The following CAMTA1 variants were observed in gnomAD, a reference collection of about 807,000 sequenced individuals.
CAMTA1 encodes the protein calmodulin-binding transcription activator 1.
In CAMTA1, 27 loss-of-function variants were observed where a neutral mutation model predicts 170.9. That is an observed-to-expected ratio of 0.16 (90% confidence interval 0.12 to 0.22). The LOEUF is 0.22. CAMTA1 is among the 10% of genes least tolerant of loss of function. CAMTA1 has a pLI of 1.00. For missense variants in CAMTA1, 1,619 were observed against 2,217.2 expected, an observed-to-expected ratio of 0.73 and a Z score of 5.42; for synonymous variants, 833 against 891.5, an observed-to-expected ratio of 0.93 and a Z score of 1.17.
intron 3 of CAMTA1, among the ~76,000 whole-genome samples, chr1:6,856,858 G>C (rs182700026): frequency 2.0e-4 from 31 of 152,208 alleles, no homozygotes; most frequent in Admixed American, 1.6e-3. Context: ...TGGAGGGGAG[G>C]CTTGCGGGCA....
intron 1 of CAMTA1, among the ~76,000 whole-genome samples, chr1:6,806,278 T>G (rs1644502037): frequency 6.6e-6 from 1 of 152,244 alleles, no homozygotes; most frequent in East Asian, 1.9e-4. Context: ...TAGTAAGTTT[T>G]GAAATCAGGA....
At chr1:6,914,245 C>T (rs1455554401) in intron 3 of CAMTA1, among the ~76,000 whole-genome samples, 2 of 151,966 alleles carry the variant, frequency 1.3e-5, no homozygotes, top group African/African-American at 4.8e-5. Flanking sequence ...GCTGGGATTA[C>T]AGATGCCTGA....
chr1:7,645,979 T>A (rs916775923), intron 7 of CAMTA1, among the ~76,000 whole-genome samples: 1 of 152,162 alleles, frequency 6.6e-6, no homozygotes, highest in Non-Finnish European at 1.5e-5. Flanking sequence ...ACAAAGGCCA[T>A]GTTGAAAGTG....
intron 5 of CAMTA1, among the ~76,000 whole-genome samples, chr1:7,316,614 T>C (rs902357731): frequency 2.0e-5 from 3 of 152,212 alleles, no homozygotes; most frequent in African/African-American, 7.2e-5. Flanking sequence ...TTCTGTTCGT[T>C]CATTTAGTCG....
intron 4 of CAMTA1, among the ~76,000 whole-genome samples, chr1:7,210,951 T>C (rs999594610): frequency 1.3e-5 from 2 of 152,250 alleles, no homozygotes; most frequent in African/African-American, 4.8e-5. Context: ...CTGTGTCCTT[T>C]TGACAAATCC....
Position 7,547,492 on chromosome 1 carries a change from T to C in CAMTA1, c.510+79591T>C, listed in dbSNP as rs1425244463. ...ATTGCATTTGTACCAAACATATTTT[T>C]TTCTTATGATTATTCCCTAAATAAA... On this transcript the variant is annotated intron_variant, in intron 6 of 22. Coordinates refer to ENST00000303635, the MANE Select transcript of CAMTA1 (RefSeq NM_015215.4). The surrounding 1 kb of genome is among the most constrained non-coding windows in gnomAD (Gnocchi z 5.7). Among the ~76,000 whole-genome samples the C allele has an allele frequency of 6.6e-6, 1 of 152,200 alleles. No homozygotes were observed. The highest frequency in any genetic ancestry group is 2.4e-5 in the African/African-American group (1 of 41,440).
intron 3 of CAMTA1, chr1:6,874,468 G>A (rs947044821): frequency 6.6e-5 from 10 of 152,238 alleles, no homozygotes; most frequent in African/African-American, 2.4e-4. Context: ...TTAGAGCAGT[G>A]CCTGCCATGT....
At chr1:7,617,246 G>A (rs1020617053) in intron 6 of CAMTA1, among the ~76,000 whole-genome samples, 3 of 152,190 alleles carry the variant, frequency 2.0e-5, no homozygotes, top group Non-Finnish European at 2.9e-5. Context: ...TCTCAGTCCT[G>A]TCTTTAAATA....
At chr1:7,412,959 C>A (rs566252181) in intron 5 of CAMTA1, among the ~76,000 whole-genome samples, 44 of 152,278 alleles carry the variant, frequency 2.9e-4, no homozygotes, top group Non-Finnish European at 5.7e-4. Flanking sequence ...GATCCAGTTT[C>A]AGCTTTCTAC....
intron 5 of CAMTA1, among the ~76,000 whole-genome samples, chr1:7,407,066 A>G (rs2090348100): frequency 6.6e-6 from 1 of 152,328 alleles, no homozygotes; most frequent in South Asian, 2.1e-4. Context: ...TGCGAGAGAC[A>G]TCAGGCGGCT....
chr1:7,489,007 A>G (rs905829467), intron 6 of CAMTA1, among the ~76,000 whole-genome samples: 2 of 152,208 alleles, frequency 1.3e-5, no homozygotes, highest in African/African-American at 4.8e-5. Flanking sequence ...CCAGCGCCAC[A>G]TGGGCTCTGA....
intron 3 of CAMTA1, among the ~76,000 whole-genome samples, chr1:6,975,302 G>A (rs1003084482): frequency 6.6e-6 from 1 of 152,146 alleles, no homozygotes; most frequent in African/African-American, 2.4e-5. Flanking sequence ...TGAAAATTTC[G>A]GTAAAAATTA....
intron 5 of CAMTA1, among the ~76,000 whole-genome samples, chr1:7,307,921 T>C (rs1212917193): frequency 6.6e-6 from 1 of 152,090 alleles, no homozygotes; most frequent in Non-Finnish European, 1.5e-5. Context: ...TTGTGTAAAA[T>C]TGATACTATT....
At chr1:6,808,790 G>T (rs935135467) in intron 1 of CAMTA1, among the ~76,000 whole-genome samples, 4 of 152,170 alleles carry the variant, frequency 2.6e-5, no homozygotes, top group African/African-American at 9.7e-5. Context: ...AATCACTTCT[G>T]GCAAGAGTTG....
At chr1:6,886,285 G>A (rs1329826336) in intron 3 of CAMTA1, 4 of 455,764 alleles carry the variant, frequency 8.8e-6, no homozygotes, top group Non-Finnish European at 1.8e-5. Flanking sequence ...AAGAGCAATG[G>A]AAAACAAGTC....
rs1157771919 is a variant in CAMTA1, at chr1:7,532,136, G to A, written c.510+64235G>A. Among the ~76,000 whole-genome samples, 1 of 152,122 alleles carries A rather than the reference G, an allele frequency of 6.6e-6. No individual in the cohort carries two copies. The highest frequency in any genetic ancestry group is 1.5e-5 in the Non-Finnish European group (1 of 68,026). On this transcript the variant is annotated intron_variant, in intron 6 of 22. Transcript: ENST00000303635. The surrounding 1 kb of genome is among the most constrained non-coding windows in gnomAD (Gnocchi z 4.2). ...TCCAGCGGTACCTGGAGGCTCCCGG[G>A]CCCACCCGAGCCCTAAGCTGCAGCC...
chr1:7,596,563 C>T (rs550651236), intron 6 of CAMTA1, among the ~76,000 whole-genome samples: 1 of 152,354 alleles, frequency 6.6e-6, no homozygotes, highest in African/African-American at 2.4e-5. Flanking sequence ...CAGGGCCATG[C>T]ACAAGGCCTG....
chr1:7,215,272 C>T (rs1346094425), intron 4 of CAMTA1, among the ~76,000 whole-genome samples: 1 of 152,024 alleles, frequency 6.6e-6, no homozygotes, highest in African/African-American at 2.4e-5. Flanking sequence ...CTTCTTCTAG[C>T]TTTTTGAGCT....
chr1:7,197,628 C>CCCCA (rs1553270489), intron 4 of CAMTA1, among the ~76,000 whole-genome samples: 10 of 109,794 alleles, frequency 9.1e-5, no homozygotes, highest in East Asian at 4.0e-4. Context: ...TTGTCCCCCA[C>CCCCA]CACACACACA....
Sources: allele counts gnomAD v4.1 joint callset (sites outside exome capture counted in the v4.1 genomes callset), GRCh38; gene constraint gnomAD v4.1.1; non-coding constraint Gnocchi (gnomAD v3.1); transcripts MANE v1.5; gene names NCBI Gene and HGNC (gene_info 2026-07-23, HGNC 2026-07-21).